DYM: variants seen among roughly 807,000 people sequenced by gnomAD.
DYM encodes dyggve-Melchior-Clausen syndrome protein.
In DYM, 78 loss-of-function variants were observed where a neutral mutation model predicts 93.1. The ratio of observed to expected loss-of-function variants is 0.84; its 90% CI spans 0.70 to 1.01. DYM has a LOEUF of 1.01. Among genes scored for constraint, DYM ranks in the 50% least tolerant of loss-of-function variants. The pLI is 0.00. For missense variants in DYM, 789 were observed against 845.0 expected, an observed-to-expected ratio of 0.93 and a Z score of 0.82; for synonymous variants, 321 against 319.7, an observed-to-expected ratio of 1.00 and a Z score of -0.04.
intron 15 of DYM, among the ~76,000 whole-genome samples, chr18:49,159,070 A>G (rs2086786586): frequency 6.6e-6 from 1 of 152,208 alleles, no homozygotes; most frequent in Non-Finnish European, 1.5e-5. Context: ...CATTATATAC[A>G]AACAATATGT....
chr18:49,117,868 T>C (rs2082041471), intron 16 of DYM, among the ~76,000 whole-genome samples: 1 of 152,136 alleles, frequency 6.6e-6, no homozygotes, highest in African/African-American at 2.4e-5. Context: ...TATATTATAG[T>C]AGCTTTAGCA....
intron 1 of DYM, among the ~76,000 whole-genome samples, chr18:49,433,139 G>A (rs1447481263): frequency 1.3e-5 from 2 of 152,124 alleles, no homozygotes; most frequent in African/African-American, 2.4e-5. Context: ...GGAGCAGGCT[G>A]GGACAAGAGT....
chr18:49,108,982 C>G (rs566443095), intron 16 of DYM, among the ~76,000 whole-genome samples: 19 of 151,904 alleles, frequency 1.3e-4, no homozygotes, highest in Non-Finnish European at 1.2e-4. Context: ...GTAATGCTCC[C>G]TGTGTTGAAG....
chr18:49,125,365 T>G (rs1043732083), intron 15 of DYM, among the ~76,000 whole-genome samples: 21 of 152,188 alleles, frequency 1.4e-4, no homozygotes, highest in South Asian at 4.1e-4. Flanking sequence ...TTCCAAATAT[T>G]TAACAACTAG....
chr18:49,191,319 G>C (rs565588250), intron 14 of DYM, among the ~76,000 whole-genome samples: 9 of 139,626 alleles, frequency 6.4e-5, no homozygotes, highest in African/African-American at 2.3e-4. Flanking sequence ...TCCTCTTCCA[G>C]TACTAAGTAA....
chr18:49,113,846 T>G (rs112254916), intron 16 of DYM, among the ~76,000 whole-genome samples: 3,371 of 152,296 alleles, frequency 0.022, 123 homozygotes, highest in African/African-American at 0.076. Flanking sequence ...ATTTCCAGTG[T>G]GCCCAGCACT....
In DYM at chr18:49,042,690, A is replaced by G. The variant is rs1044995728; in HGVS notation, c.*1365T>C. On this transcript the variant is annotated 3_prime_UTR_variant, in exon 18 of 18. Transcript: ENST00000675505. ...TTTGTGCTTTCTATGTTGAAGACCA[A>G]ATACTTTTTCTTTGAGAATGAAACT... The G allele has an allele frequency of 6.6e-5, 10 of 152,214 alleles. No homozygotes were observed. The highest frequency in any genetic ancestry group is 2.4e-4 in the African/African-American group (10 of 41,446). The allele number at this position is 152,214 out of a possible 1,614,324, so 9.4% of individuals were successfully genotyped here.
chr18:49,443,619 T>G (rs2081856344), intron 1 of DYM, among the ~76,000 whole-genome samples: 1 of 152,136 alleles, frequency 6.6e-6, no homozygotes, highest in Admixed American at 6.6e-5. Flanking sequence ...GACTAAGCAC[T>G]CATCACAATA....
chr18:49,384,624 C>CAA (rs67349630), intron 3 of DYM, among the ~76,000 whole-genome samples: 3,281 of 126,586 alleles, frequency 0.026, 69 homozygotes, highest in South Asian at 0.048. Context: ...CACTCCATCT[C>CAA]AAAAAAAAAA....
intron 6 of DYM, among the ~76,000 whole-genome samples, chr18:49,359,115 T>A (rs1421473476): frequency 6.6e-6 from 1 of 152,184 alleles, no homozygotes; most frequent in Non-Finnish European, 1.5e-5. Flanking sequence ...CCTACCCACG[T>A]TCTTTCTGTT....
intron 13 of DYM, among the ~76,000 whole-genome samples, chr18:49,251,793 C>T (rs1312896634): frequency 2.0e-5 from 3 of 152,124 alleles, no homozygotes; most frequent in Non-Finnish European, 4.4e-5. Flanking sequence ...CAAACCCTGG[C>T]AGTCTGGCTT....
intron 11 of DYM, among the ~76,000 whole-genome samples, chr18:49,263,693 C>T (rs2094525820): frequency 6.6e-6 from 1 of 151,956 alleles, no homozygotes; most frequent in Non-Finnish European, 1.5e-5. Flanking sequence ...CGTGCCACTG[C>T]ACTCCAGCGT....
intron 15 of DYM, among the ~76,000 whole-genome samples, chr18:49,153,498 C>G (rs1838963): frequency 6.6e-6 from 1 of 151,942 alleles, no homozygotes; most frequent in Non-Finnish European, 1.5e-5. Flanking sequence ...GAGAAAATAC[C>G]CGATGAACTG....
At chr18:49,067,695 C>G (rs1661375619) in intron 17 of DYM, among the ~76,000 whole-genome samples, 1 of 151,948 alleles carries the variant, frequency 6.6e-6, no homozygotes, top group East Asian at 1.9e-4. Flanking sequence ...AAGAATCTGC[C>G]TCTCAAATGG....
At chr18:49,402,310 C>G (rs2070946602) in intron 2 of DYM, among the ~76,000 whole-genome samples, 1 of 152,028 alleles carries the variant, frequency 6.6e-6, no homozygotes, top group African/African-American at 2.4e-5. Context: ...TCATTAAGCA[C>G]AAAATAAAAC....
intron 2 of DYM, chr18:49,413,071 T>A (rs2072466149): frequency 6.6e-6 from 1 of 152,138 alleles, no homozygotes; most frequent in South Asian, 2.1e-4. Flanking sequence ...AATCTGGTGG[T>A]TCTACTCTCA....
chr18:49,091,355 G>A lies in DYM; in HGVS notation c.2025+6047C>T, dbSNP rs552576225. The stretch of plus-strand genomic sequence containing the variant: ...AACATACAGTAGGATTGGGGGGCTG[G>A]GAGTGCAGAAATGTTACCTGGAAGG... On this transcript the variant is annotated intron_variant, in intron 17 of 17. Transcript: ENST00000675505. Among the ~76,000 whole-genome samples, 4 of 152,278 alleles carry A rather than the reference G, an allele frequency of 2.6e-5. No individual in the cohort carries two copies. In the South Asian group the frequency reaches 6.2e-4, roughly 24 times the overall value.
At chr18:49,139,725 T>C (rs887028189) in intron 15 of DYM, among the ~76,000 whole-genome samples, 1 of 152,166 alleles carries the variant, frequency 6.6e-6, no homozygotes, top group African/African-American at 2.4e-5. Flanking sequence ...TAGAGGAAAA[T>C]CTGGGTCTGT....
intron 13 of DYM, among the ~76,000 whole-genome samples, chr18:49,241,614 G>A (rs1363918204): frequency 6.6e-6 from 1 of 152,158 alleles, no homozygotes; most frequent in Non-Finnish European, 1.5e-5. Context: ...ACCACTTGTA[G>A]AGGGACCAAA....
Sources: allele counts gnomAD v4.1 joint callset (sites outside exome capture counted in the v4.1 genomes callset), GRCh38; gene constraint gnomAD v4.1.1; transcripts MANE v1.5; gene names NCBI Gene and HGNC (gene_info 2026-07-23, HGNC 2026-07-21).